The following DCUN1D1 variants were observed in gnomAD, a reference collection of about 807,000 sequenced individuals.
DCUN1D1 encodes the protein DCN1-like protein 1.
A neutral mutation model predicts 39.0 loss-of-function variants in DCUN1D1; 3 were observed. The ratio of observed to expected loss-of-function variants is 0.08; its 90% confidence interval spans 0.04 to 0.20. The LOEUF is 0.20. Ranked by LOEUF, DCUN1D1 falls within the 10% of genes least tolerant of loss-of-function variation. DCUN1D1 has a pLI of 1.00. For missense variants in DCUN1D1, 158 were observed against 302.4 expected (o/e 0.52, Z 3.54); for synonymous variants, 82 against 96.3 (o/e 0.85, Z 0.87).
intron 4 of DCUN1D1, among the ~76,000 whole-genome samples, chr3:182,957,371 A>G (rs1224379311): frequency 6.6e-6 from 1 of 152,222 alleles, no homozygotes; most frequent in Non-Finnish European, 1.5e-5. Flanking sequence ...TCATGCCTGT[A>G]ATCCCAAGAC....
intron 1 of DCUN1D1, among the ~76,000 whole-genome samples, chr3:182,972,886 T>C (rs1238230590): frequency 6.6e-6 from 1 of 151,934 alleles, no homozygotes; most frequent in Non-Finnish European, 1.5e-5. Flanking sequence ...CGACTAAGAA[T>C]ACAAAATTAG....
chr3:182,957,273 G>A (rs2108639128), intron 4 of DCUN1D1, among the ~76,000 whole-genome samples: 1 of 152,304 alleles, frequency 6.6e-6, no homozygotes, highest in Middle Eastern at 3.4e-3. Context: ...ACTTTGGGTA[G>A]GTTAAATTTT....
At chr3:182,953,785 C>T (rs1458208300) in intron 4 of DCUN1D1, among the ~76,000 whole-genome samples, 1 of 152,100 alleles carries the variant, frequency 6.6e-6, no homozygotes, top group Non-Finnish European at 1.5e-5. Flanking sequence ...ATAACTAAGT[C>T]CTAATAACAA....
chr3:182,966,790 G>C (rs1156847220), intron 1 of DCUN1D1, among the ~76,000 whole-genome samples: 1 of 152,150 alleles, frequency 6.6e-6, no homozygotes, highest in Non-Finnish European at 1.5e-5. Context: ...GGGAAAACTT[G>C]AGGTACTCAT....
At position 182,959,122 on chromosome 3, in the gene DCUN1D1, T is replaced by A. The variant is rs752607233; in HGVS notation, c.520+2104A>T. 2.0e-4 allele frequency among the ~76,000 whole-genome samples: 30 copies of A among 152,346 alleles called. No individual in the cohort carries two copies. The South Asian group carries it at 2.9e-3, about 15-fold the overall frequency. On this transcript the variant is annotated intron_variant, in intron 4 of 6. Transcript: ENST00000292782. ...AAACAGAAAAAACATCCCAGTTAAC[T>A]GGTGGCCCCAGACAGAAAAACTAAT...
intron 1 of DCUN1D1, among the ~76,000 whole-genome samples, chr3:182,972,862 G>A (rs956615470): frequency 2.0e-5 from 3 of 152,178 alleles, no homozygotes; most frequent in Admixed American, 1.3e-4. Context: ...GATCAACATG[G>A]AGAAACCCCA....
intron 1 of DCUN1D1, 92 bp downstream of exon 1, chr3:182,980,395 G>A: frequency 2.1e-6 from 2 of 940,468 alleles, no homozygotes; most frequent in Non-Finnish European, 2.5e-6. Context: ...GGGGCTGCAG[G>A]GTCGCCGCGG....
intron 3 of DCUN1D1, 148 bp from the exon 4 acceptor site, chr3:182,961,504 AT>A: frequency 4.0e-6 from 3 of 750,138 alleles, no homozygotes; most frequent in Non-Finnish European, 4.3e-6. Context: ...TATTACATAA[AT>A]ATAAACACGC....
At chr3:182,976,444 T>TACACACACACAC (rs59465164) in intron 1 of DCUN1D1, among the ~76,000 whole-genome samples, 19 of 140,770 alleles carry the variant, frequency 1.3e-4, no homozygotes, top group African/African-American at 4.1e-4. Flanking sequence ...TATACATACA[T>TACACACACACAC]ACACACACAC....
At chr3:182,979,304 G>C (rs139860947) in intron 1 of DCUN1D1, among the ~76,000 whole-genome samples, 2 of 152,294 alleles carry the variant, frequency 1.3e-5, no homozygotes, top group East Asian at 1.9e-4. Context: ...GATGGGACTA[G>C]AAGTGTCATT....
chr3:182,961,144 A>G (rs760539146), intron 4 of DCUN1D1, 82 bp downstream of exon 4: 19 of 1,014,968 alleles, frequency 1.9e-5, no homozygotes, highest in Middle Eastern at 3.3e-4. Context: ...CTCAAAACAC[A>G]TAACTTTCTA....
chr3:182,943,240 TATATAG>T lies in DCUN1D1; in HGVS notation c.*1848_*1853del, dbSNP rs1726223589. 1 of 146,554 alleles carries T rather than the reference TATATAG, an allele frequency of 6.8e-6. No individual in the cohort carries two copies. Among genetic ancestry groups the T allele is most frequent in the Admixed American group, 6.8e-5 (1 of 14,678 alleles). The allele number at this position is 146,554 out of a possible 1,614,324, so 9.1% of individuals were successfully genotyped here. On this transcript the variant is annotated 3_prime_UTR_variant, in exon 7 of 7. Coordinates refer to ENST00000292782, the MANE Select transcript of DCUN1D1 (RefSeq NM_020640.4). ...AAGACAGGAAACAAAACAGTACATA[TATATAG>T]ATATATAGATATATATATCTTTTAA...
chr3:182,978,126 TGGGGGGA>T (rs1043630627), intron 1 of DCUN1D1, among the ~76,000 whole-genome samples: 2 of 146,090 alleles, frequency 1.4e-5, no homozygotes, highest in African/African-American at 4.9e-5. Flanking sequence ...AGTCTGTGTG[TGGGGGGA>T]GGGAGGAAGT....
In DCUN1D1 at chr3:182,965,435, A is replaced by G. The variant is rs1447795816; in HGVS notation, c.220+102T>C. ...AGATCTACAGACCTCTATTGGACAC[A>G]TCCACCCAATTTAAGTTATATATAG... On this transcript the variant is annotated intron_variant, in intron 2 of 6. Coordinates refer to ENST00000292782, the MANE Select transcript of DCUN1D1 (RefSeq NM_020640.4). 166 of 684,770 alleles carry G rather than the reference A, an allele frequency of 2.4e-4. 2 individuals carry two copies. The East Asian group carries it at 4.5e-3, about 18-fold the overall frequency. 42.4% of individuals were successfully genotyped at this position (684,770 alleles called of 1,614,324 possible).
upstream of DCUN1D1, chr3:182,980,644 G>C: frequency 2.1e-6 from 2 of 960,472 alleles, no homozygotes; most frequent in Non-Finnish European, 2.5e-6. Context: ...CCGGACCTCG[G>C]GGAGGCGGAG....
Position 182,972,694 on chromosome 3 carries a change from T to C in DCUN1D1, c.4-6941A>G, listed in dbSNP as rs1169364955. ...AAGTTGAGGCTGCAATGAGCCATGA[T>C]CACATCACTAACTCCAGCCTAAACA... On this transcript the variant is annotated intron_variant, in intron 1 of 6. Transcript: ENST00000292782. 2.0e-5 allele frequency among the ~76,000 whole-genome samples: 3 copies of C among 151,868 alleles called. No homozygotes were observed. The East Asian group carries it at 5.8e-4, about 29-fold the overall frequency.
chr3:182,953,879 C>T (rs1726881107), intron 4 of DCUN1D1, among the ~76,000 whole-genome samples: 1 of 152,178 alleles, frequency 6.6e-6, no homozygotes, highest in South Asian at 2.1e-4. Context: ...AGATACTCCC[C>T]ATGTTATTCT....
rs975485322 is a variant in DCUN1D1, at chr3:182,939,815, T to C, written c.*5279A>G. ...CAATTAATTGTACATGTACAATGGG[T>C]GAATTTTACAGTGTGTAAATTATAC... On this transcript the variant is annotated 3_prime_UTR_variant, in exon 7 of 7. Transcript: ENST00000292782. The C allele has an allele frequency of 6.6e-6, 1 of 152,206 alleles. No individual in the cohort carries two copies. The highest frequency in any genetic ancestry group is 2.4e-5 in the African/African-American group (1 of 41,462). 9.4% of individuals were successfully genotyped at this position (152,206 alleles called of 1,614,324 possible).
intron 1 of DCUN1D1, among the ~76,000 whole-genome samples, chr3:182,972,050 G>GT (rs397877483): frequency 0.088 from 9,584 of 108,704 alleles, 354 homozygotes; most frequent in Non-Finnish European, 0.098. Flanking sequence ...TCTATTTAGG[G>GT]TTTTTTTTTT....
Sources: gnomAD v4.1 joint callset for allele counts (sites outside exome capture counted in the v4.1 genomes callset) on GRCh38, gnomAD v4.1.1 for gene constraint, MANE v1.5 for transcripts, NCBI Gene and HGNC (gene_info 2026-07-23, HGNC 2026-07-21) for gene names.